Variants in MLPH observed in about 807,000 individuals in gnomAD.
MLPH encodes melanophilin, also known as exophilin-3.
Under a neutral mutation model 72.1 loss-of-function variants are expected in MLPH, and 51 were observed. That is an observed-to-expected ratio of 0.71 (90% CI 0.56 to 0.89). The LOEUF (loss-of-function observed/expected upper bound fraction) is 0.89, where lower values mean the gene tolerates loss of function less well. Among genes scored for constraint, MLPH ranks in the 40% least tolerant of loss-of-function variants. MLPH has a pLI of 0.00. For synonymous variants in MLPH, 301 were observed against 310.1 expected (o/e 0.97, Z 0.31); for missense variants, 743 against 759.9 (o/e 0.98, Z 0.26).
chr2:237,499,113 T>A (rs1271120234), intron 2 of MLPH, among the ~76,000 whole-genome samples: 1 of 152,194 alleles, frequency 6.6e-6, no homozygotes, highest in Non-Finnish European at 1.5e-5. Flanking sequence ...CATGGATGGA[T>A]CTTTTAAATG....
At chr2:237,487,962 C>G (rs1187184332) in intron 1 of MLPH, among the ~76,000 whole-genome samples, 6 of 152,112 alleles carry the variant, frequency 3.9e-5, no homozygotes, top group Admixed American at 3.3e-4. Flanking sequence ...CTGGGCCCAC[C>G]AGGGAGGTGT....
At chr2:237,522,768 T>C (rs898788803) in intron 6 of MLPH, among the ~76,000 whole-genome samples, 14 of 151,460 alleles carry the variant, frequency 9.2e-5, no homozygotes, top group African/African-American at 2.9e-4. Flanking sequence ...AGCTAATTAA[T>C]GGAAGGGGTT....
chr2:237,522,774 G>A (rs2080217723), intron 6 of MLPH, among the ~76,000 whole-genome samples: 1 of 152,212 alleles, frequency 6.6e-6, no homozygotes, highest in Admixed American at 6.5e-5. Context: ...TTAATGGAAG[G>A]GGTTGGGGGT....
chr2:237,550,824 C>G (rs912253272), intron 14 of MLPH, among the ~76,000 whole-genome samples: 1 of 152,184 alleles, frequency 6.6e-6, no homozygotes, highest in African/African-American at 2.4e-5. Context: ...GCTGGGATTA[C>G]AGGCGTGAGC....
intron 5 of MLPH, among the ~76,000 whole-genome samples, chr2:237,519,615 C>T (rs1180286200): frequency 1.3e-5 from 2 of 152,140 alleles, no homozygotes; most frequent in Admixed American, 6.5e-5. Context: ...AGGCGGGGTC[C>T]CTGGGGCAAG....
intron 4 of MLPH, among the ~76,000 whole-genome samples, chr2:237,516,941 A>ATAAG (rs2080041884): frequency 8.4e-6 from 1 of 118,530 alleles, no homozygotes; most frequent in African/African-American, 3.9e-5. Context: ...GGATGGATGG[A>ATAAG]TAGGTGGATA....
At chr2:237,525,550 G>A (rs752988969) in intron 6 of MLPH, 51 bp from the exon 7 acceptor site, 26 of 1,589,956 alleles carry the variant, frequency 1.6e-5, no homozygotes, top group African/African-American at 8.1e-5. Context: ...TCCAGGCAGC[G>A]GCCCCTCCTA....
rs1438332936 is a variant in MLPH, at chr2:237,554,588, AC to A, written c.*997del. 2 of 152,308 alleles carry A rather than the reference AC, an allele frequency of 1.3e-5. No individual in the cohort carries two copies. Among genetic ancestry groups the A allele is most frequent in the South Asian group, 4.2e-4 (2 of 4,812 alleles). The allele number at this position is 152,308 out of a possible 1,614,324, so 9.4% of individuals were successfully genotyped here. On this transcript the variant is annotated 3_prime_UTR_variant, in exon 16 of 16. Coordinates refer to ENST00000264605, the MANE Select transcript of MLPH (RefSeq NM_024101.7). ...TCCAGAGCTGCCTTTGAACATCCTA[AC>A]AGTAATCACATCTCACCCTCCCTGA...
rs189616299 is a variant in MLPH at position 237,493,804 on chromosome 2, T to C, written c.110+268T>C. On this transcript the variant is annotated intron_variant, in intron 2 of 15. Coordinates refer to ENST00000264605, the MANE Select transcript of MLPH (RefSeq NM_024101.7). ...GGGTGATATATCCTAAGCCAGGTGATACTTAGGCCACATCTTTGAAGAATA... is the reference window on the plus strand; with the variant it reads ...GGGTGATATATCCTAAGCCAGGTGACACTTAGGCCACATCTTTGAAGAATA... 1.7e-3 allele frequency among the ~76,000 whole-genome samples: 258 copies of C among 152,334 alleles called. 2 individuals carry two copies. Among genetic ancestry groups the C allele is most frequent in the Non-Finnish European group, 3.1e-3 (208 of 68,026 alleles).
chr2:237,553,309 A>G, intron 15 of MLPH: 1 of 592,904 alleles, frequency 1.7e-6, no homozygotes, highest in Non-Finnish European at 3.1e-6. Context: ...TTTGTTCCTC[A>G]GGCATGGAGA....
At position 237,520,567 on chromosome 2, in the gene MLPH, G is replaced by A. The variant is rs886169143; in HGVS notation, c.675+538G>A. On this transcript the variant is annotated intron_variant, in intron 6 of 15. Coordinates refer to ENST00000264605, the MANE Select transcript of MLPH (RefSeq NM_024101.7). ...GGACATGTGGCCGCCTTACTCATTA[G>A]CTGTGTGGCCTTTGTCCCTGGAACC... 6.6e-5 allele frequency among the ~76,000 whole-genome samples: 10 copies of A among 152,366 alleles called. 1 individual carries two copies. The highest frequency in any genetic ancestry group is 2.4e-4 in the African/African-American group (10 of 41,590).
At chr2:237,520,344 C>A (rs1192191079) in intron 6 of MLPH, among the ~76,000 whole-genome samples, 3 of 151,810 alleles carry the variant, frequency 2.0e-5, no homozygotes, top group Non-Finnish European at 2.9e-5. Flanking sequence ...AGGCAGAACC[C>A]CCGAGACTCA....
intron 8 of MLPH, among the ~76,000 whole-genome samples, chr2:237,528,113 G>T (rs946262817): frequency 6.6e-6 from 1 of 152,114 alleles, no homozygotes; most frequent in African/African-American, 2.4e-5. Context: ...TAGTCACCAG[G>T]GGCTGGGGTC....
chr2:237,543,112 G>A (rs1297825968), intron 12 of MLPH, among the ~76,000 whole-genome samples: 6 of 70,946 alleles, frequency 8.5e-5, no homozygotes, highest in Admixed American at 1.4e-4. Flanking sequence ...TGGTGAGTGG[G>A]GGTACAGTGG....
intron 2 of MLPH, among the ~76,000 whole-genome samples, chr2:237,507,577 A>G (rs568760357): frequency 2.0e-5 from 3 of 152,306 alleles, no homozygotes; most frequent in Non-Finnish European, 2.9e-5. Flanking sequence ...GACACATTTC[A>G]TATGCACACC....
In MLPH at chr2:237,533,390, C is replaced by CTTTTTT. The variant is rs746139615; in HGVS notation, c.1021-1157_1021-1152dup. On this transcript the variant is annotated intron_variant, in intron 8 of 15. Coordinates refer to ENST00000264605, the MANE Select transcript of MLPH (RefSeq NM_024101.7). ...GGAAGTCTCTTCTCTATTTTCTTTT[C>CTTTTTT]TTTTTTTTTTTTTTTTTTTTTTGTC... Among the ~76,000 whole-genome samples, 867 of 108,012 alleles carry CTTTTTT rather than the reference C, an allele frequency of 8.0e-3. 3 individuals are homozygous for CTTTTTT. The highest frequency in any genetic ancestry group is 0.013 in the African/African-American group (344 of 26,572). 70.9% of individuals were successfully genotyped at this position (108,012 alleles called of 152,430 possible). A position where few individuals can be genotyped will look rare whatever the true frequency, so the allele number is the denominator to read the frequency against.
At chr2:237,546,504 T>C (rs1320909770) in intron 12 of MLPH, 102 bp from the exon 13 acceptor site, 2 of 1,003,536 alleles carry the variant, frequency 2.0e-6, no homozygotes, top group South Asian at 1.3e-5. Flanking sequence ...CAACCCAGCA[T>C]GTATAGAGAG....
chr2:237,549,205 A>G lies in MLPH; in HGVS notation c.1618-16A>G, dbSNP rs892318917. On this transcript the variant is annotated splice_polypyrimidine_tract_variant and intron_variant, in intron 13 of 15. Coordinates refer to ENST00000264605, the MANE Select transcript of MLPH (RefSeq NM_024101.7). ...TCACAACTTGATGAAGCCTGGAGAC[A>G]CTCTGTTTCTTCTAGGCAATGGCTG... 12 of 1,612,922 alleles carry G rather than the reference A, an allele frequency of 7.4e-6. No individual in the cohort carries two copies. Among genetic ancestry groups the G allele is most frequent in the Non-Finnish European group, 1.0e-5 (12 of 1,179,102 alleles).
intron 10 of MLPH, 111 bp downstream of exon 10, chr2:237,540,644 A>G: frequency 6.7e-7 from 1 of 1,499,738 alleles, no homozygotes. Context: ...ACAGGAGCAC[A>G]CCAAGGGCCC....
Sources: gnomAD v4.1 joint callset for allele counts (sites outside exome capture counted in the v4.1 genomes callset) on GRCh38, gnomAD v4.1.1 for gene constraint, MANE v1.5 for transcripts, NCBI Gene and HGNC (gene_info 2026-07-23, HGNC 2026-07-21) for gene names.